PCDHA6: variants seen among roughly 807,000 people sequenced by gnomAD.
The protein encoded by PCDHA6 is protocadherin alpha 6, also known as protocadherin alpha-6.
In PCDHA6, 55 loss-of-function variants were observed where a neutral mutation model predicts 60.3. The ratio of observed to expected loss-of-function variants is 0.91; its 90% confidence interval spans 0.73 to 1.14. PCDHA6 has a LOEUF of 1.14. Ranked by LOEUF, PCDHA6 falls within the 50% of genes most tolerant of loss-of-function variation. The pLI, the probability that PCDHA6 is intolerant of heterozygous loss-of-function variation, is 0.00. For synonymous variants in PCDHA6, 652 were observed against 557.9 expected, an observed-to-expected ratio of 1.17 and a Z score of -2.38; for missense variants, 1,327 against 1,256.5, an observed-to-expected ratio of 1.06 and a Z score of -0.85.
chr5:140,911,187 G>A (rs911666410), intron 1 of PCDHA6, among the ~76,000 whole-genome samples: 1 of 152,102 alleles, frequency 6.6e-6, no homozygotes, highest in Non-Finnish European at 1.5e-5. Context: ...TGTGGGTTGG[G>A]GAGGACATGT....
intron 1 of PCDHA6, among the ~76,000 whole-genome samples, chr5:140,891,795 A>T (rs2063252569): frequency 6.6e-6 from 1 of 152,178 alleles, no homozygotes; most frequent in South Asian, 2.1e-4. Flanking sequence ...ATTATGAGGG[A>T]TCTGCCCTCA....
intron 1 of PCDHA6, among the ~76,000 whole-genome samples, chr5:140,950,918 G>C (rs1229704497): frequency 6.6e-6 from 1 of 151,584 alleles, no homozygotes; most frequent in African/African-American, 2.4e-5. Context: ...TTTTATTTCA[G>C]TTCTTTTTCT....
intron 1 of PCDHA6, among the ~76,000 whole-genome samples, chr5:140,944,956 A>T (rs2093715486): frequency 6.6e-6 from 1 of 152,140 alleles, no homozygotes; most frequent in Non-Finnish European, 1.5e-5. Context: ...GAATAAGAGT[A>T]TTATCTTAAC....
chr5:140,882,286 A>G lies in PCDHA6; in HGVS notation c.2394+51801A>G, dbSNP rs13357748. The G allele has an allele frequency of 8.5e-4, 1,378 of 1,613,102 alleles. 12 individuals are homozygous for G. In the African/African-American group the frequency reaches 0.015, roughly 17 times the overall value. Reference sequence around the variant, plus strand: ...AGTGTACCATGCTGTCTTCCTGGCAAGGAGGCCCAAGACCGCGGCAACTAC... The same window carrying G: ...AGTGTACCATGCTGTCTTCCTGGCAGGGAGGCCCAAGACCGCGGCAACTAC... On this transcript the variant is annotated intron_variant, in intron 1 of 3. Transcript: ENST00000529310.
chr5:140,829,011 A>C lies in PCDHA6; in HGVS notation c.920A>C (p.Asn307Thr), dbSNP rs1554131712. ...ACGGGAGAAATAGTGATTCGGGGTA[A>C]TTTGGATTTTGAACAAGAAAACTTA... Reference protein sequence around the residue: ...RNTGEIVIRGNLDFEQENLYK... With the variant: ...RNTGEIVIRGTLDFEQENLYK... Residue 307 changes from asparagine to threonine, a missense_variant, in exon 1 of 4, where the codon AAT becomes ACT. By Grantham distance (65) the Asn-to-Thr change is moderately conservative (BLOSUM62 0). Coordinates refer to ENST00000529310, the MANE Select transcript of PCDHA6 (RefSeq NM_018909.4). 1 of 1,613,882 alleles carries C rather than the reference A, an allele frequency of 6.2e-7. No individual in the cohort carries two copies. The highest frequency in any genetic ancestry group is 8.5e-7 in the Non-Finnish European group (1 of 1,179,788).
Position 140,946,631 on chromosome 5 carries a change from T to TATATATATATATATAC in PCDHA6, c.2395-32317_2395-32316insTATATATATATATACA, listed in dbSNP as rs57893927. On this transcript the variant is annotated intron_variant, in intron 1 of 3. Coordinates refer to ENST00000529310, the MANE Select transcript of PCDHA6 (RefSeq NM_018909.4). The stretch of plus-strand genomic sequence containing the variant: ...TGTGAAATATATATATATATATATA[T>TATATATATATATATAC]ACAATGGAATACTCATCAGCCATTA... 8.0e-3 allele frequency among the ~76,000 whole-genome samples: 1,048 copies of TATATATATATATATAC among 131,788 alleles called. 65 individuals carry two copies. Among genetic ancestry groups the TATATATATATATATAC allele is most frequent in the African/African-American group, 0.026 (735 of 28,674 alleles). The allele number at this position is 131,788 out of a possible 152,430, so 86.5% of individuals were successfully genotyped here. A position where few individuals can be genotyped will look rare whatever the true frequency, so the allele number is the denominator to read the frequency against.
chr5:140,931,215 CAG>C (rs2087377353), intron 1 of PCDHA6, among the ~76,000 whole-genome samples: 1 of 152,106 alleles, frequency 6.6e-6, no homozygotes, highest in East Asian at 1.9e-4. Flanking sequence ...TTTCAGGTAT[CAG>C]AGCACTTAAT....
chr5:140,963,509 G>A, intron 1 of PCDHA6, among the ~76,000 whole-genome samples: 1 of 152,164 alleles, frequency 6.6e-6, no homozygotes, highest in Non-Finnish European at 1.5e-5. Flanking sequence ...CTCTTGAAGG[G>A]GTTCTCATAA....
intron 3 of PCDHA6, among the ~76,000 whole-genome samples, chr5:141,005,658 C>T (rs1014602554): frequency 6.9e-4 from 96 of 138,640 alleles, no homozygotes; most frequent in African/African-American, 2.4e-3. Flanking sequence ...GTCGAGATCG[C>T]GCCACTGCAC....
intron 1 of PCDHA6, among the ~76,000 whole-genome samples, chr5:140,925,484 T>C (rs1178019565): frequency 6.6e-6 from 1 of 152,066 alleles, no homozygotes; most frequent in Admixed American, 6.6e-5. Flanking sequence ...CTCATAGAAC[T>C]GATCACTGTC....
At chr5:140,909,378 C>T (rs544117185) in intron 1 of PCDHA6, among the ~76,000 whole-genome samples, 1 of 152,264 alleles carries the variant, frequency 6.6e-6, no homozygotes, top group Admixed American at 6.5e-5. Context: ...GCAATGAAAC[C>T]ACATCTAGTA....
chr5:140,944,744 A>G (rs1408016136), intron 1 of PCDHA6, among the ~76,000 whole-genome samples: 2 of 152,204 alleles, frequency 1.3e-5, no homozygotes, highest in East Asian at 3.8e-4. Context: ...CTGAGCATTT[A>G]CATGGAAAAA....
intron 1 of PCDHA6, chr5:140,862,831 G>C (rs782083560): frequency 1.0e-5 from 6 of 572,658 alleles, no homozygotes; most frequent in African/African-American, 7.9e-5. Flanking sequence ...AGCGCGCGAC[G>C]CGGGCATGCC....
chr5:141,001,403 G>C (rs2098015477), intron 3 of PCDHA6, among the ~76,000 whole-genome samples: 1 of 152,232 alleles, frequency 6.6e-6, no homozygotes, highest in Non-Finnish European at 1.5e-5. Flanking sequence ...AGAACAGGGA[G>C]TATATTTTTA....
At chr5:140,835,716 G>A in intron 1 of PCDHA6, 1 of 1,613,908 alleles carries the variant, frequency 6.2e-7, no homozygotes, top group Non-Finnish European at 8.5e-7. Flanking sequence ...GTCCGTGGAG[G>A]TGGCCGACGT....
At chr5:140,906,872 C>T (rs1421521976) in intron 1 of PCDHA6, among the ~76,000 whole-genome samples, 4 of 152,230 alleles carry the variant, frequency 2.6e-5, no homozygotes, top group African/African-American at 9.6e-5. Flanking sequence ...CCAGCCAACA[C>T]TGTAACTTCC....
chr5:140,958,197 A>G (rs896064147), intron 1 of PCDHA6, among the ~76,000 whole-genome samples: 7 of 152,140 alleles, frequency 4.6e-5, no homozygotes, highest in Non-Finnish European at 1.0e-4. Context: ...CTGGTCTAGT[A>G]TACAAGGGAA....
At position 140,850,380 on chromosome 5, in the gene PCDHA6, G is replaced by A. The variant is rs1554144242; in HGVS notation, c.2394+19895G>A. On this transcript the variant is annotated intron_variant, in intron 1 of 3. Transcript: ENST00000529310. ...CCCGTTCCGCGTGGGGCTGTACACG[G>A]GCGAGATCAGCACAACGCGTGCCCT... 2.5e-6 allele frequency: 4 copies of A among 1,597,780 alleles called. 1 individual carries two copies. Among genetic ancestry groups the A allele is most frequent in the East Asian group, 2.2e-5 (1 of 44,840 alleles).
chr5:140,929,428 G>A, intron 1 of PCDHA6: 1 of 1,491,484 alleles, frequency 6.7e-7, no homozygotes. Flanking sequence ...TTCATCAATT[G>A]AACTAAACAC....
Sources: allele counts gnomAD v4.1 joint callset (sites outside exome capture counted in the v4.1 genomes callset), GRCh38; gene constraint gnomAD v4.1.1; transcripts MANE v1.5; gene names NCBI Gene and HGNC (gene_info 2026-07-23, HGNC 2026-07-21).